The following TTC28 variants were observed in gnomAD, a reference collection of about 807,000 sequenced individuals.
TTC28 encodes the protein tetratricopeptide repeat domain 28.
TTC28 carries 61 observed loss-of-function variants against 198.0 expected under a neutral mutation model. The ratio of observed to expected loss-of-function variants is 0.31; its 90% CI spans 0.25 to 0.38. TTC28 has a LOEUF of 0.38. Among genes scored for constraint, TTC28 ranks in the 10% least tolerant of loss-of-function variants. The probability of loss-of-function intolerance (pLI) is 1.00; values close to 1 mark genes in which losing one functional copy is unlikely to be tolerated. For missense variants in TTC28, 2,678 were observed against 3,164.0 expected (o/e 0.85, Z 3.69); for synonymous variants, 1,171 against 1,297.8 (o/e 0.90, Z 2.10).
intron 2 of TTC28, among the ~76,000 whole-genome samples, chr22:28,397,843 T>C (rs1235547824): frequency 1.3e-5 from 2 of 152,246 alleles, no homozygotes; most frequent in African/African-American, 4.8e-5. Flanking sequence ...CCAGATCATA[T>C]GAATTTCACT....
chr22:28,291,631 T>C (rs116961962), intron 5 of TTC28, among the ~76,000 whole-genome samples: 1 of 152,310 alleles, frequency 6.6e-6, no homozygotes, highest in East Asian at 1.9e-4. Flanking sequence ...GCAGCTTTCC[T>C]GGGAGCAATC....
chr22:28,630,174 G>A (rs569929396), intron 1 of TTC28, among the ~76,000 whole-genome samples: 1 of 152,258 alleles, frequency 6.6e-6, no homozygotes, highest in East Asian at 1.9e-4. Context: ...AGTGGAAGCA[G>A]CTTAATGCCC....
At chr22:28,460,166 A>G (rs2047926081) in intron 2 of TTC28, among the ~76,000 whole-genome samples, 1 of 152,186 alleles carries the variant, frequency 6.6e-6, no homozygotes, top group South Asian at 2.1e-4. Flanking sequence ...AAAGTTGAAT[A>G]AGCAAAAGAA....
chr22:28,297,974 T>TAA (rs2044934251), intron 3 of TTC28, 122 bp from the exon 4 acceptor site: 1 of 1,155,910 alleles, frequency 8.7e-7, no homozygotes, highest in African/African-American at 1.6e-5. Flanking sequence ...ATTTCAAGTA[T>TAA]AAACTCTTCA....
rs140432564 is a variant in TTC28 at position 28,250,576 on chromosome 22, A to G, written c.933+45622T>C. ...ATGGCACAGTATTTCCATATAAGCT[A>G]TGTATATCCTCCCTCCCTTCTAAGT... On this transcript the variant is annotated intron_variant, in intron 5 of 22. Transcript: ENST00000397906. Among the ~76,000 whole-genome samples, 71 of 152,286 alleles carry G rather than the reference A, an allele frequency of 4.7e-4. No individual in the cohort carries two copies. The Middle Eastern group carries it at 0.01, about 22-fold the overall frequency.
chr22:28,148,050 C>G (rs1412033946), intron 6 of TTC28, among the ~76,000 whole-genome samples: 1 of 152,172 alleles, frequency 6.6e-6, no homozygotes, highest in Non-Finnish European at 1.5e-5. Context: ...CAAACCTGCA[C>G]AAAAGACTTC....
At chr22:28,543,282 G>A (rs911782753) in intron 2 of TTC28, among the ~76,000 whole-genome samples, 1 of 152,064 alleles carries the variant, frequency 6.6e-6, no homozygotes, top group Non-Finnish European at 1.5e-5. Context: ...AAGCTGCAGT[G>A]AGCCATAATT....
At chr22:28,432,310 A>C (rs1343756034) in intron 2 of TTC28, among the ~76,000 whole-genome samples, 1 of 151,432 alleles carries the variant, frequency 6.6e-6, no homozygotes, top group Non-Finnish European at 1.5e-5. Flanking sequence ...AATAAATAAA[A>C]TAAAAATAAA....
intron 1 of TTC28, among the ~76,000 whole-genome samples, chr22:28,660,158 C>T (rs555825665): frequency 4.6e-5 from 7 of 152,122 alleles, no homozygotes; most frequent in Non-Finnish European, 7.4e-5. Context: ...ATTTCACAAA[C>T]CTGGTCTAAA....
intron 5 of TTC28, among the ~76,000 whole-genome samples, chr22:28,256,724 GACA>G (rs1930947125): frequency 6.6e-6 from 1 of 152,096 alleles, no homozygotes; most frequent in Admixed American, 6.6e-5. Flanking sequence ...AAAAAACAAT[GACA>G]ACAACAAAAA....
At chr22:28,541,965 T>C (rs1278671352) in intron 2 of TTC28, among the ~76,000 whole-genome samples, 1 of 152,048 alleles carries the variant, frequency 6.6e-6, no homozygotes, top group Non-Finnish European at 1.5e-5. Context: ...GGTGCACACC[T>C]GTGGTCCTAA....
chr22:28,597,027 G>T (rs1376085532), intron 2 of TTC28, among the ~76,000 whole-genome samples: 1 of 152,104 alleles, frequency 6.6e-6, no homozygotes, highest in South Asian at 2.1e-4. Context: ...GAAGCCTCAA[G>T]GGTAATACCG....
Position 27,985,548 on chromosome 22 carries a change from A to G in TTC28, c.5708-192T>C. On this transcript the variant is annotated intron_variant, in intron 21 of 22. Coordinates refer to ENST00000397906, the MANE Select transcript of TTC28 (RefSeq NM_001145418.2). ...GCAGAGGGGTCGGGCTGCCCCACCC[A>G]GAACATCCACTCTACGCAGCCCCCA... 12 of 491,962 alleles carry G rather than the reference A, an allele frequency of 2.4e-5. No individual in the cohort carries two copies. In the South Asian group the frequency reaches 2.6e-4, roughly 11 times the overall value. The allele number at this position is 491,962 out of a possible 1,614,324, so 30.5% of individuals were successfully genotyped here.
rs116128514 is a variant in TTC28 at position 28,642,822 on chromosome 22, C to T, written c.103-12992G>A. 7.7e-3 allele frequency among the ~76,000 whole-genome samples: 1,165 copies of T among 152,146 alleles called. 19 individuals are homozygous for T. The highest frequency in any genetic ancestry group is 0.026 in the African/African-American group (1,073 of 41,500). On this transcript the variant is annotated intron_variant, in intron 1 of 22. Transcript: ENST00000397906. ...ACAGGAGCCATTAGCAATATGTGGT[C>T]GTTTAATTTTTTATTTTACTTAAAT...
chr22:28,140,035 T>C (rs1204769576), intron 6 of TTC28, among the ~76,000 whole-genome samples: 1 of 152,232 alleles, frequency 6.6e-6, no homozygotes, highest in Admixed American at 6.5e-5. Flanking sequence ...CACTTGCTTA[T>C]GGGCTCAGGT....
At chr22:28,204,623 A>T (rs1353698079) in intron 5 of TTC28, among the ~76,000 whole-genome samples, 1 of 152,116 alleles carries the variant, frequency 6.6e-6, no homozygotes, top group African/African-American at 2.4e-5. Context: ...CCACACAAGG[A>T]ACATAATGAT....
At chr22:28,506,705 G>A (rs1362424650) in intron 2 of TTC28, among the ~76,000 whole-genome samples, 1 of 152,244 alleles carries the variant, frequency 6.6e-6, no homozygotes, top group Non-Finnish European at 1.5e-5. Context: ...TTCAGAAGAA[G>A]GAGCAGGCTG....
chr22:28,229,136 A>C (rs1421604059), intron 5 of TTC28, among the ~76,000 whole-genome samples: 1 of 152,240 alleles, frequency 6.6e-6, no homozygotes. Flanking sequence ...AGCCTGGGCG[A>C]CAGAGCAAGA....
rs566513211 is a variant in TTC28, at chr22:28,328,606, T to C, written c.382-21963A>G. Among the ~76,000 whole-genome samples, 15 of 150,998 alleles carry C rather than the reference T, an allele frequency of 9.9e-5. No individual in the cohort carries two copies. The South Asian group carries it at 2.5e-3, about 25-fold the overall frequency. ...ACGTCTCTACTAAAAATACAAAAAT[T>C]AGCCAGGCGTGGTAGCAGGCACCTG... On this transcript the variant is annotated intron_variant, in intron 2 of 22. Coordinates refer to ENST00000397906, the MANE Select transcript of TTC28 (RefSeq NM_001145418.2).
Sources: gnomAD v4.1 joint callset for allele counts (sites outside exome capture counted in the v4.1 genomes callset) on GRCh38, gnomAD v4.1.1 for gene constraint, MANE v1.5 for transcripts, NCBI Gene and HGNC (gene_info 2026-07-23, HGNC 2026-07-21) for gene names.